Variants in UNC5C observed in about 807,000 individuals in gnomAD.
UNC5C encodes the protein netrin receptor UNC5C.
In UNC5C, 47 loss-of-function variants were observed where a neutral mutation model predicts 99.8. That is an observed-to-expected ratio of 0.47 (90% CI 0.37 to 0.60). The LOEUF is 0.60. UNC5C is among the 20% of genes least tolerant of loss of function. UNC5C has a pLI of 0.00. For synonymous variants in UNC5C, 487 were observed against 452.2 expected (o/e 1.08, Z -0.98); for missense variants, 1,062 against 1,165.9 (o/e 0.91, Z 1.30).
intron 1 of UNC5C, among the ~76,000 whole-genome samples, chr4:95,492,884 A>T (rs1348466114): frequency 6.6e-6 from 1 of 151,538 alleles, no homozygotes; most frequent in Non-Finnish European, 1.5e-5. Context: ...TTATCCAAAG[A>T]TTCCTATTTG....
chr4:95,222,419 C>T (rs1738504220), intron 7 of UNC5C, among the ~76,000 whole-genome samples: 1 of 152,262 alleles, frequency 6.6e-6, no homozygotes, highest in South Asian at 2.1e-4. Context: ...GATTTTGCAT[C>T]TCCTGTCTGC....
In UNC5C at chr4:95,219,132, G is replaced by C; in HGVS notation, c.1482C>G (p.Leu494=). 1 of 1,614,174 alleles carries C rather than the reference G, an allele frequency of 6.2e-7. No homozygotes were observed. The highest frequency in any genetic ancestry group is 8.5e-7 in the Non-Finnish European group (1 of 1,180,030). ...GGGACAGCTTGGACGTAAACTCAGA[G>C]AGGTCATCTTGGGGGGTGACAGCAC... The part of the protein sequence containing the change: ...TSGAVTPQDD[L]SEFTSKLSPQ... Residue 494 remains leucine, a synonymous_variant, in exon 9 of 16, where the codon CTC becomes CTG. Transcript: ENST00000453304.
intron 2 of UNC5C, among the ~76,000 whole-genome samples, chr4:95,326,325 T>C (rs970182173): frequency 6.6e-6 from 1 of 152,132 alleles, no homozygotes; most frequent in African/African-American, 2.4e-5. Context: ...ACCATGGTTT[T>C]CTAATCTCCT....
At chr4:95,375,726 C>T (rs757504389) in intron 1 of UNC5C, among the ~76,000 whole-genome samples, 3 of 152,102 alleles carry the variant, frequency 2.0e-5, no homozygotes, top group Non-Finnish European at 4.4e-5. Flanking sequence ...ATAAAATAAG[C>T]ATGCTCATTA....
At chr4:95,325,519 C>G (rs1371175193) in intron 2 of UNC5C, among the ~76,000 whole-genome samples, 1 of 151,894 alleles carries the variant, frequency 6.6e-6, no homozygotes, top group Non-Finnish European at 1.5e-5. Flanking sequence ...ATTTTTGGTG[C>G]CTGGATGGAG....
intron 8 of UNC5C, 85 bp from the exon 9 acceptor site, chr4:95,219,398 A>G: frequency 7.4e-7 from 1 of 1,343,666 alleles, no homozygotes; most frequent in Non-Finnish European, 1.0e-6. Flanking sequence ...ACACTTTCTG[A>G]GCCGAAAGTA....
chr4:95,303,370 A>T (rs1456355354), intron 2 of UNC5C, among the ~76,000 whole-genome samples: 1 of 152,174 alleles, frequency 6.6e-6, no homozygotes, highest in Non-Finnish European at 1.5e-5. Flanking sequence ...ACTCACATCT[A>T]CAATGTTTAT....
At chr4:95,356,718 G>A (rs58809210) in intron 1 of UNC5C, among the ~76,000 whole-genome samples, 33,144 of 152,074 alleles carry the variant, frequency 0.22, 4,224 homozygotes, top group African/African-American at 0.34. Flanking sequence ...AACAAGGCAA[G>A]AGAAAGAGGT....
At chr4:95,259,984 G>T (rs1235550482) in intron 4 of UNC5C, among the ~76,000 whole-genome samples, 1 of 151,970 alleles carries the variant, frequency 6.6e-6, no homozygotes, top group African/African-American at 2.4e-5. Flanking sequence ...CACATCATTA[G>T]CTTCAACACC....
At chr4:95,358,316 G>C (rs961802132) in intron 1 of UNC5C, among the ~76,000 whole-genome samples, 5 of 152,046 alleles carry the variant, frequency 3.3e-5, no homozygotes, top group African/African-American at 1.2e-4. Flanking sequence ...TTTTTTTGTG[G>C]CTTTGCAAGA....
intron 2 of UNC5C, among the ~76,000 whole-genome samples, chr4:95,316,874 T>C (rs1483738): frequency 0.85 from 128,725 of 151,918 alleles, 54,911 homozygotes; most frequent in African/African-American, 0.95. Flanking sequence ...TTCAAGGTAT[T>C]ATCCCTATAA....
intron 3 of UNC5C, among the ~76,000 whole-genome samples, chr4:95,294,532 T>C (rs12505129): frequency 0.063 from 9,557 of 152,276 alleles, 801 homozygotes; most frequent in African/African-American, 0.19. Flanking sequence ...CTTGGGTGCA[T>C]GTAAATCCCA....
intron 11 of UNC5C, among the ~76,000 whole-genome samples, chr4:95,203,251 G>T (rs1246150759): frequency 3.9e-5 from 6 of 152,078 alleles, no homozygotes; most frequent in Admixed American, 1.3e-4. Flanking sequence ...GATAAATTAA[G>T]GAACTGGGCA....
intron 1 of UNC5C, among the ~76,000 whole-genome samples, chr4:95,485,090 C>T (rs138492259): frequency 0.017 from 2,550 of 151,722 alleles, 66 homozygotes; most frequent in African/African-American, 0.059. Flanking sequence ...TTATATTCTG[C>T]CTTTCTTTCT....
chr4:95,354,241 T>C (rs1744091704), intron 1 of UNC5C, among the ~76,000 whole-genome samples: 2 of 151,778 alleles, frequency 1.3e-5, no homozygotes, highest in Admixed American at 6.6e-5. Context: ...CCCCTGTGGT[T>C]TAAATTCCTG....
At chr4:95,356,901 A>G (rs191904055) in intron 1 of UNC5C, among the ~76,000 whole-genome samples, 15 of 152,306 alleles carry the variant, frequency 9.8e-5, no homozygotes, top group Admixed American at 9.1e-4. Context: ...CTCGTTTTAT[A>G]TAAGAGGAAA....
intron 1 of UNC5C, among the ~76,000 whole-genome samples, chr4:95,455,221 G>C (rs967711382): frequency 3.9e-5 from 6 of 152,060 alleles, no homozygotes; most frequent in African/African-American, 1.4e-4. Flanking sequence ...TTGTAGAAAA[G>C]TATGAGGTTT....
At chr4:95,514,733 C>G (rs1843381) in intron 1 of UNC5C, among the ~76,000 whole-genome samples, 77,804 of 150,878 alleles carry the variant, frequency 0.52, 20,271 homozygotes, top group East Asian at 0.56. Context: ...TGTGCAATGG[C>G]GAGATCTTGG....
intron 1 of UNC5C, among the ~76,000 whole-genome samples, chr4:95,450,932 T>C (rs1272500955): frequency 2.0e-5 from 3 of 152,166 alleles, no homozygotes; most frequent in Non-Finnish European, 4.4e-5. Context: ...AAAAGACTAA[T>C]GTAGCATAAA....
Sources: gnomAD v4.1 joint callset for allele counts (sites outside exome capture counted in the v4.1 genomes callset) on GRCh38, gnomAD v4.1.1 for gene constraint, MANE v1.5 for transcripts, NCBI Gene and HGNC (gene_info 2026-07-23, HGNC 2026-07-21) for gene names.